Variants in WDR62 observed in about 807,000 individuals in gnomAD.
The protein encoded by WDR62 is WD repeat domain 62, also known as WD repeat-containing protein 62.
WDR62 carries 112 observed loss-of-function variants against 160.6 expected under a neutral mutation model. That is an observed-to-expected ratio of 0.70 (90% CI 0.60 to 0.82). The LOEUF is 0.82. Among genes scored for constraint, WDR62 ranks in the 40% least tolerant of loss-of-function variants. WDR62 has a pLI of 0.00. For missense variants in WDR62, 1,819 were observed against 1,983.8 expected (o/e 0.92, Z 1.58); for synonymous variants, 792 against 815.1 (o/e 0.97, Z 0.48).
chr19:36,065,227 G>A (rs1457983632), intron 3 of WDR62, among the ~76,000 whole-genome samples: 1 of 150,460 alleles, frequency 6.6e-6, no homozygotes, highest in Non-Finnish European at 1.5e-5. Context: ...AGGTTGACTT[G>A]ATGATGAATA....
At chr19:36,092,639 C>A in intron 18 of WDR62, 50 bp from the exon 19 acceptor site, 6 of 1,612,674 alleles carry the variant, frequency 3.7e-6, no homozygotes, top group Non-Finnish European at 5.1e-6. Context: ...GGCAGCGGCT[C>A]CCATGCTTAC....
chr19:36,091,881 CA>C (rs71167591), intron 18 of WDR62, among the ~76,000 whole-genome samples: 2 of 144,400 alleles, frequency 1.4e-5, no homozygotes, highest in Admixed American at 6.9e-5. Flanking sequence ...GACCCCGTCT[CA>C]AAAAAAAAAC....
In WDR62 at chr19:36,089,310, AG is replaced by A; in HGVS notation, c.1958+8del. 1 of 1,614,220 alleles carries A rather than the reference AG, an allele frequency of 6.2e-7. No individual in the cohort carries two copies. The highest frequency in any genetic ancestry group is 8.5e-7 in the Non-Finnish European group (1 of 1,180,030). On this transcript the variant is annotated splice_donor_5th_base_variant and intron_variant, in intron 15 of 31. Coordinates refer to ENST00000401500, the MANE Select transcript of WDR62 (RefSeq NM_001083961.2). ...CCTGCCAGGACCGCAATGTGAGGTA[AG>A]GGGTGGCCCTGGACCCTTAGCTGGC...
chr19:36,058,879 G>A lies in WDR62; in HGVS notation c.269+8G>A, dbSNP rs1184218737. The A allele has an allele frequency of 6.8e-6, 11 of 1,611,310 alleles. No homozygotes were observed. In the South Asian group the frequency reaches 8.8e-5, roughly 13 times the overall value. On this transcript the variant is annotated splice_region_variant and intron_variant, in intron 2 of 31. Coordinates refer to ENST00000401500, the MANE Select transcript of WDR62 (RefSeq NM_001083961.2). Reference sequence around the variant, plus strand: ...TGTGGCCTACCTGGCAGGGTAAGCAGATAAGGGCCTCGACGTCTAATCATT... The same window carrying A: ...TGTGGCCTACCTGGCAGGGTAAGCAAATAAGGGCCTCGACGTCTAATCATT...
chr19:36,056,391 C>T (rs1970373569), intron 1 of WDR62, among the ~76,000 whole-genome samples: 1 of 152,210 alleles, frequency 6.6e-6, no homozygotes, highest in African/African-American at 2.4e-5. Flanking sequence ...GGTTCAGTCA[C>T]ACTGGCCTGC....
At chr19:36,067,490 C>T in intron 6 of WDR62, 47 bp downstream of exon 6, 1 of 1,612,846 alleles carries the variant, frequency 6.2e-7, no homozygotes, top group Non-Finnish European at 8.5e-7. Flanking sequence ...AGGGAGTCAC[C>T]ATCGGTGGCA....
intron 9 of WDR62, among the ~76,000 whole-genome samples, chr19:36,076,435 G>A (rs1233893180): frequency 1.3e-5 from 2 of 151,988 alleles, no homozygotes; most frequent in African/African-American, 4.8e-5. Context: ...GCAGGCGCCT[G>A]TAGTCCTAGC....
rs373632979 is a variant in WDR62 at position 36,066,437 on chromosome 19, G to A, written c.561+10G>A. ...CGTCTGGGACTGGAAGGTAAGAGCC[G>A]ACCAGCAGGCCTGTGGCAGGCAGCC... On this transcript the variant is annotated intron_variant, in intron 5 of 31. Coordinates refer to ENST00000401500, the MANE Select transcript of WDR62 (RefSeq NM_001083961.2). 1.5e-5 allele frequency: 24 copies of A among 1,584,150 alleles called. No homozygotes were observed. The highest frequency in any genetic ancestry group is 1.2e-4 in the East Asian group (5 of 42,982).
Position 36,102,793 on chromosome 19 carries a change from T to C in WDR62, c.3277T>C (p.Phe1093Leu), listed in dbSNP as rs1418680075. ...GGCCTCTGAAGCTGAAGACCACTTC[T>C]TCAACCCACGCCTGAGTATCTCCAC... ...VEASEAEDHF[F>L]NPRLSISTQF... Residue 1093 changes from phenylalanine to leucine, a missense_variant, in exon 27 of 32, where the codon TTC becomes CTC. Phe to Leu is a conservative substitution (Grantham distance 22). Transcript: ENST00000401500. The C allele has an allele frequency of 2.5e-6, 4 of 1,614,208 alleles. No homozygotes were observed. The highest frequency in any genetic ancestry group is 2.5e-6 in the Non-Finnish European group (3 of 1,180,024).
In WDR62 at chr19:36,092,671, T is replaced by C. The variant is rs1301882844; in HGVS notation, c.2211-18T>C. On this transcript the variant is annotated intron_variant, in intron 18 of 31. Coordinates refer to ENST00000401500, the MANE Select transcript of WDR62 (RefSeq NM_001083961.2). ...TTACTCTTCCTCTGCCTTGTGTGTC[T>C]CTCTTTGACCTCCGCAGCTGCGTGT... 2 of 1,613,820 alleles carry C rather than the reference T, an allele frequency of 1.2e-6. No individual in the cohort carries two copies. Among genetic ancestry groups the C allele is most frequent in the African/African-American group, 2.7e-5 (2 of 74,926 alleles).
chr19:36,084,564 G>C (rs1388578561), intron 11 of WDR62, 89 bp from the exon 12 acceptor site: 4 of 1,237,100 alleles, frequency 3.2e-6, no homozygotes, highest in Admixed American at 1.7e-5. Context: ...TCTCATTGTT[G>C]GTGGCCTGGC....
downstream of WDR62, among the ~76,000 whole-genome samples, chr19:36,108,142 C>A (rs1207522964): frequency 6.6e-6 from 1 of 152,122 alleles, no homozygotes; most frequent in African/African-American, 2.4e-5. Flanking sequence ...CCCTGACTCC[C>A]ACACAGGACG....
rs1326731933 is a variant in WDR62 at position 36,055,141 on chromosome 19, A to G, written c.170A>G (p.Gln57Arg). The G allele has an allele frequency of 6.2e-7, 1 of 1,607,550 alleles. No homozygotes were observed. Among genetic ancestry groups the G allele is most frequent in the Non-Finnish European group, 8.5e-7 (1 of 1,178,004 alleles). The change falls in exon 1 of 32, where the codon CAG (glutamine) becomes CGG (arginine). Residue 57 changes from glutamine (Q) to arginine (R), a missense_variant. Around this residue, in one of 3 missense-constraint regions of WDR62, gnomAD observed 115 missense variants for 92.4 expected, o/e 1.24. Coordinates refer to ENST00000401500, the MANE Select transcript of WDR62 (RefSeq NM_001083961.2). ...RLSTASEETV[Q>R]NRVSLEKVLG... is the part of the protein sequence containing the mutation. ...TCGACGGCCTCCGAGGAGACGGTGCAGAACCGGGTGAGAAGCTGCTCGCCA... is the reference window on the plus strand; with the variant it reads ...TCGACGGCCTCCGAGGAGACGGTGCGGAACCGGGTGAGAAGCTGCTCGCCA...
At chr19:36,069,889 T>G (rs988395416) in intron 7 of WDR62, among the ~76,000 whole-genome samples, 1,826 of 151,954 alleles carry the variant, frequency 0.012, 37 homozygotes, top group African/African-American at 0.041. Flanking sequence ...TCGCAGGCAC[T>G]CGGCAGGCTG....
intron 11 of WDR62, among the ~76,000 whole-genome samples, chr19:36,083,647 T>C (rs1972037292): frequency 6.6e-6 from 1 of 152,174 alleles, no homozygotes; most frequent in Non-Finnish European, 1.5e-5. Context: ...GCTGCTTATG[T>C]GCCCTGTTGA....
intron 26 of WDR62, 39 bp from the exon 27 acceptor site, chr19:36,102,698 G>C (rs201253931): frequency 3.8e-6 from 6 of 1,598,396 alleles, no homozygotes; most frequent in Non-Finnish European, 5.1e-6. Flanking sequence ...GCTGCTCGGC[G>C]GGAAGGGTTA....
At chr19:36,102,303 C>G in intron 26 of WDR62, 152 bp downstream of exon 26, 3 of 1,164,900 alleles carry the variant, frequency 2.6e-6, no homozygotes, top group Admixed American at 1.9e-5. Flanking sequence ...GCTCTGTTGC[C>G]AGGCTGGAGT....
rs1364749775 is a variant in WDR62 at position 36,083,207 on chromosome 19, C to T, written c.1516C>T (p.His506Tyr). The T allele has an allele frequency of 1.2e-6, 2 of 1,608,332 alleles. No homozygotes were observed. The highest frequency in any genetic ancestry group is 1.7e-6 in the Non-Finnish European group (2 of 1,177,048). The stretch of plus-strand genomic sequence containing the variant: ...CATGCAGGTCAGTCCTGACGGCCAG[C>T]ATTTGGCTTCAGGCGACCGAAGTGG... Reference protein sequence around the residue: ...RVMQVSPDGQHLASGDRSGNL... With the variant: ...RVMQVSPDGQYLASGDRSGNL... Residue 506 changes from histidine to tyrosine, a missense_variant, in exon 11 of 32, where the codon CAT (histidine) becomes TAT (tyrosine). Physicochemically the swap from His to Tyr is moderately conservative, Grantham distance 83 (BLOSUM62 2). This residue lies in a region of WDR62 where 934 missense variants were observed against 1,157.2 expected (regional missense o/e 0.81). Transcript: ENST00000401500.
At position 36,055,105 on chromosome 19, in the gene WDR62, G is replaced by C; in HGVS notation, c.134G>C (p.Arg45Pro). 1 of 1,606,600 alleles carries C rather than the reference G, an allele frequency of 6.2e-7. No individual in the cohort carries two copies. The highest frequency in any genetic ancestry group is 8.5e-7 in the Non-Finnish European group (1 of 1,177,634). The change falls in exon 1 of 32, where the codon CGG becomes CCG. Residue 45 changes from arginine (R) to proline (P), a missense_variant. Coordinates refer to ENST00000401500, the MANE Select transcript of WDR62 (RefSeq NM_001083961.2). ...PPAPPICLRR[R>P]TRLSTASEET... ...GCCCCACCAATCTGCCTACGGCGGC[G>C]GACGCGACTCTCGACGGCCTCCGAG... is the stretch of plus-strand genomic sequence containing the variant.
Sources: gnomAD v4.1 joint callset for allele counts (sites outside exome capture counted in the v4.1 genomes callset) on GRCh38, gnomAD v4.1.1 for gene constraint, gnomAD v4.1.1 regional missense constraint, MANE v1.5 for transcripts, NCBI Gene and HGNC (gene_info 2026-07-23, HGNC 2026-07-21) for gene names.